CDYL: variants seen among roughly 807,000 people sequenced by gnomAD.
CDYL encodes chromodomain Y like.
Under a neutral mutation model 47.3 loss-of-function variants are expected in CDYL, and 8 were observed. The observed-to-expected ratio is 0.17, with a 90% CI of 0.10 to 0.31. The LOEUF (loss-of-function observed/expected upper bound fraction) is 0.31, where lower values mean the gene tolerates loss of function less well. Among genes scored for constraint, CDYL ranks in the 10% least tolerant of loss-of-function variants. CDYL has a pLI of 1.00. For missense variants in CDYL, 471 were observed against 701.4 expected (o/e 0.67, Z 3.71); for synonymous variants, 266 against 265.0 (o/e 1.00, Z -0.04).
chr6:4,912,509 G>C (rs1037993504), intron 2 of CDYL, among the ~76,000 whole-genome samples: 2 of 152,396 alleles, frequency 1.3e-5, no homozygotes, highest in African/African-American at 2.4e-5. Flanking sequence ...TTTGTAGCCA[G>C]GGTAAGAAGT....
At chr6:4,931,906 G>T (rs139684875) in intron 2 of CDYL, among the ~76,000 whole-genome samples, 1 of 152,322 alleles carries the variant, frequency 6.6e-6, no homozygotes, top group East Asian at 1.9e-4. Flanking sequence ...CGGATAGTTC[G>T]TAGGGACTAT....
intron 3 of CDYL, among the ~76,000 whole-genome samples, chr6:4,750,732 C>T (rs557295041): frequency 6.6e-6 from 1 of 151,864 alleles, no homozygotes; most frequent in East Asian, 1.9e-4. Context: ...AGATTCTGTA[C>T]ATACTGTAAG....
At chr6:4,889,933 T>C in intron 1 of CDYL, 1 of 982,420 alleles carries the variant, frequency 1.0e-6, no homozygotes, top group Non-Finnish European at 1.2e-6. Context: ...AGGATCTGCC[T>C]GGGGCCTGGC....
At chr6:4,842,147 TTA>T (rs1268576563) in intron 1 of CDYL, among the ~76,000 whole-genome samples, 1 of 142,924 alleles carries the variant, frequency 7.0e-6, no homozygotes, top group Non-Finnish European at 1.5e-5. Flanking sequence ...ATTATATTAC[TTA>T]TATATTATAA....
intron 2 of CDYL, among the ~76,000 whole-genome samples, chr6:4,894,883 G>GTGTGTATATACACACACGTGTA (rs1561692330): frequency 2.1e-5 from 3 of 146,280 alleles, no homozygotes; most frequent in Admixed American, 6.6e-5. Flanking sequence ...ACATGTGTAT[G>GTGTGTATATACACACACGTGTA]TGTGTGTATA....
At chr6:4,892,866 T>C (rs1762090429) in intron 2 of CDYL, among the ~76,000 whole-genome samples, 1 of 152,178 alleles carries the variant, frequency 6.6e-6, no homozygotes, top group South Asian at 2.1e-4. Context: ...CGGGCTCGTT[T>C]CTCTGTTGTG....
chr6:4,736,077 GC>G (rs1757700115), intron 3 of CDYL, among the ~76,000 whole-genome samples: 1 of 152,262 alleles, frequency 6.6e-6, no homozygotes, highest in South Asian at 2.1e-4. Flanking sequence ...CACTCCCCCA[GC>G]CCCTGTCAAC....
At chr6:4,847,549 A>T (rs1760699577) in intron 1 of CDYL, among the ~76,000 whole-genome samples, 1 of 152,202 alleles carries the variant, frequency 6.6e-6, no homozygotes, top group Non-Finnish European at 1.5e-5. Flanking sequence ...ATGGTATAAG[A>T]TTCAAGTTAA....
At chr6:4,884,156 A>T (rs1463802449) in intron 1 of CDYL, among the ~76,000 whole-genome samples, 3 of 152,224 alleles carry the variant, frequency 2.0e-5, no homozygotes. Context: ...GGGCCAAGAC[A>T]CAGTTCGTGC....
chr6:4,819,142 CTCTCTCTCTCTCTCTCTCTCTGTG>C (rs1268244106), intron 1 of CDYL, among the ~76,000 whole-genome samples: 1 of 141,088 alleles, frequency 7.1e-6, no homozygotes, highest in African/African-American at 2.9e-5. Context: ...CTCTCTCTCT[CTCTCTCTCTCTCTCTCTCTCTGTG>C]TGTGTGTGTG....
At chr6:4,944,427 T>C (rs1758451774) in intron 5 of CDYL, among the ~76,000 whole-genome samples, 1 of 152,180 alleles carries the variant, frequency 6.6e-6, no homozygotes, top group Non-Finnish European at 1.5e-5. Context: ...AGGGGTGGGA[T>C]GTGCGGGAAG....
chr6:4,881,251 C>T (rs1561684525), intron 1 of CDYL, among the ~76,000 whole-genome samples: 1 of 151,810 alleles, frequency 6.6e-6, no homozygotes, highest in East Asian at 1.9e-4. Context: ...TCCTCTTTTC[C>T]ACTTTCTTTG....
intron 1 of CDYL, among the ~76,000 whole-genome samples, chr6:4,810,627 A>G (rs1444443334): frequency 2.0e-5 from 3 of 152,234 alleles, no homozygotes; most frequent in Admixed American, 1.3e-4. Context: ...GTAACAAAAT[A>G]CTATAAACTG....
intron 2 of CDYL, among the ~76,000 whole-genome samples, chr6:4,905,435 A>C (rs1757205618): frequency 6.6e-6 from 1 of 152,148 alleles, no homozygotes; most frequent in South Asian, 2.1e-4. Flanking sequence ...ATTGTGAGAA[A>C]TGTATTCTGT....
At chr6:4,853,803 C>G (rs1220561600) in intron 1 of CDYL, among the ~76,000 whole-genome samples, 5 of 152,282 alleles carry the variant, frequency 3.3e-5, no homozygotes, top group Non-Finnish European at 7.3e-5. Context: ...ACACCTGCCC[C>G]AGCTTCTCCT....
intron 1 of CDYL, among the ~76,000 whole-genome samples, chr6:4,812,069 A>G (rs1008734895): frequency 6.6e-6 from 1 of 152,206 alleles, no homozygotes; most frequent in Non-Finnish European, 1.5e-5. Flanking sequence ...TTGAATTGGA[A>G]TCTGCATCTT....
chr6:4,803,902 TTA>T (rs1759295294), intron 1 of CDYL, among the ~76,000 whole-genome samples: 1 of 152,052 alleles, frequency 6.6e-6, no homozygotes, highest in Non-Finnish European at 1.5e-5. Context: ...ACCTTTGTCC[TTA>T]TATTGGTGGT....
chr6:4,865,421 C>T (rs1462306187), intron 1 of CDYL, among the ~76,000 whole-genome samples: 2 of 152,222 alleles, frequency 1.3e-5, no homozygotes, highest in African/African-American at 4.8e-5. Flanking sequence ...CCCTTCCCCT[C>T]CCTTTTCCAG....
intron 2 of CDYL, among the ~76,000 whole-genome samples, chr6:4,896,864 A>G (rs570757957): frequency 6.6e-6 from 1 of 152,356 alleles, no homozygotes; most frequent in South Asian, 2.1e-4. Flanking sequence ...ACCAAAAACC[A>G]CAGATATTTG....
Sources: gnomAD v4.1 joint callset for allele counts (sites outside exome capture counted in the v4.1 genomes callset) on GRCh38, gnomAD v4.1.1 for gene constraint, MANE v1.5 for transcripts, NCBI Gene and HGNC (gene_info 2026-07-23, HGNC 2026-07-21) for gene names.